CNBD1: variants seen among roughly 807,000 people sequenced by gnomAD.
CNBD1 encodes the protein cyclic nucleotide binding domain containing 1, also known as cyclic nucleotide-binding domain-containing protein 1.
A neutral mutation model predicts 54.4 loss-of-function variants in CNBD1; 71 were observed. The ratio of observed to expected loss-of-function variants is 1.30; its 90% CI spans 1.08 to 1.59. The LOEUF is 1.59. CNBD1 is among the 40% of genes most tolerant of loss of function. The probability of loss-of-function intolerance (pLI) is 0.00; values close to 1 mark genes in which losing one functional copy is unlikely to be tolerated. For synonymous variants in CNBD1, 182 were observed against 170.7 expected (o/e 1.07, Z -0.51); for missense variants, 659 against 518.0 (o/e 1.27, Z -2.64).
chr8:87,101,517 C>A (rs796722546), intron 4 of CNBD1, among the ~76,000 whole-genome samples: 97 of 151,878 alleles, frequency 6.4e-4, no homozygotes, highest in African/African-American at 2.3e-3. Flanking sequence ...ACTGACAGAA[C>A]TAAAAGGGAG....
At chr8:87,075,234 A>C (rs557798085) in intron 4 of CNBD1, among the ~76,000 whole-genome samples, 2 of 152,314 alleles carry the variant, frequency 1.3e-5, no homozygotes, top group East Asian at 3.9e-4. Flanking sequence ...TAGGATGCCC[A>C]TATGTTTACT....
chr8:87,036,051 C>A (rs928141678), intron 4 of CNBD1, among the ~76,000 whole-genome samples: 1 of 152,172 alleles, frequency 6.6e-6, no homozygotes, highest in Non-Finnish European at 1.5e-5. Flanking sequence ...CGCAGCCTTG[C>A]ACCTCCATAG....
intron 2 of CNBD1, among the ~76,000 whole-genome samples, chr8:87,388,325 T>C (rs980589514): frequency 2.0e-5 from 3 of 151,924 alleles, no homozygotes; most frequent in Non-Finnish European, 4.4e-5. Context: ...GCTGGTTTTT[T>C]GAAAAGATCA....
chr8:87,415,487 A>G (rs1054441639), intron 2 of CNBD1, among the ~76,000 whole-genome samples: 8 of 152,064 alleles, frequency 5.3e-5, no homozygotes, highest in Non-Finnish European at 8.8e-5. Flanking sequence ...CACTCTCAGA[A>G]CATAGATATG....
Position 86,959,031 on chromosome 8 carries a change from T to C in CNBD1, c.431+19277T>C, listed in dbSNP as rs190196704. Among the ~76,000 whole-genome samples the C allele has an allele frequency of 3.7e-3, 566 of 152,326 alleles. 1 individual carries two copies. The highest frequency in any genetic ancestry group is 0.013 in the African/African-American group (531 of 41,576). ...TTAGTTCTTCCTCCAGGAGTTCTTG[T>C]AAAGCAGGCCTGGTGGTGACAGAAT... On this transcript the variant is annotated intron_variant, in intron 4 of 10. Coordinates refer to ENST00000518476, the MANE Select transcript of CNBD1 (RefSeq NM_173538.3).
At position 87,425,631 on chromosome 8, in the gene CNBD1, G is replaced by A. The variant is rs573647882; in HGVS notation, c.214-2915G>A. Among the ~76,000 whole-genome samples, 929 of 151,606 alleles carry A rather than the reference G, an allele frequency of 6.1e-3. 7 individuals carry two copies. The highest frequency in any genetic ancestry group is 0.021 in the African/African-American group (877 of 41,264). ...AGGGTGCCTCCCAGTTAGGCTGCTC[G>A]GGGGTCAGGGGTCAGGGACCCACTT... On this transcript the variant is annotated intron_variant, in intron 2 of 7. Coordinates refer to the CNBD1 transcript ENST00000521593.
chr8:87,371,532 C>T (rs1350562109), intron 10 of CNBD1, among the ~76,000 whole-genome samples: 1 of 151,566 alleles, frequency 6.6e-6, no homozygotes, highest in Non-Finnish European at 1.5e-5. Flanking sequence ...GAGACACAAC[C>T]AAAAAAGAGA....
chr8:86,868,553 T>C (rs1328748937), intron 1 of CNBD1, among the ~76,000 whole-genome samples: 1 of 134,604 alleles, frequency 7.4e-6, no homozygotes, highest in Non-Finnish European at 1.6e-5. Flanking sequence ...GGCTGGTCTC[T>C]ATCTCCTCAC....
intron 3 of CNBD1, among the ~76,000 whole-genome samples, chr8:86,930,082 G>A (rs112138349): frequency 2.2e-4 from 33 of 152,274 alleles, no homozygotes; most frequent in African/African-American, 6.0e-4. Flanking sequence ...TTTGCCCTCT[G>A]GGTCTCCTTG....
At chr8:87,341,403 A>C (rs1810060609) in intron 8 of CNBD1, among the ~76,000 whole-genome samples, 1 of 151,944 alleles carries the variant, frequency 6.6e-6, no homozygotes, top group Admixed American at 6.6e-5. Flanking sequence ...TTCCATCCCT[A>C]GGGGGAAACT....
At chr8:87,033,049 C>T (rs1213337922) in intron 4 of CNBD1, among the ~76,000 whole-genome samples, 5 of 151,646 alleles carry the variant, frequency 3.3e-5, no homozygotes, top group African/African-American at 1.2e-4. Context: ...AAGTCATACA[C>T]AACATCTGTA....
chr8:86,946,335 C>T (rs113500204), intron 4 of CNBD1, among the ~76,000 whole-genome samples: 5,978 of 152,152 alleles, frequency 0.039, 129 homozygotes, highest in Non-Finnish European at 0.046. Flanking sequence ...GGAAAATTTT[C>T]ATACAGCAGT....
intron 3 of CNBD1, among the ~76,000 whole-genome samples, chr8:86,922,208 T>C (rs1226310055): frequency 6.6e-6 from 1 of 152,128 alleles, no homozygotes; most frequent in African/African-American, 2.4e-5. Context: ...AAGTTGGTAG[T>C]TGTCACCAGA....
At chr8:87,104,956 G>C (rs1363470963) in intron 4 of CNBD1, among the ~76,000 whole-genome samples, 1 of 152,110 alleles carries the variant, frequency 6.6e-6, no homozygotes, top group African/African-American at 2.4e-5. Flanking sequence ...CCAATAAATG[G>C]AGTTTAATAA....
At chr8:87,092,167 T>A (rs897648021) in intron 4 of CNBD1, among the ~76,000 whole-genome samples, 2 of 152,166 alleles carry the variant, frequency 1.3e-5, no homozygotes, top group African/African-American at 4.8e-5. Context: ...CTAACTCTAG[T>A]CTGCCTTCTA....
intron 10 of CNBD1, among the ~76,000 whole-genome samples, chr8:87,367,384 A>G (rs1005452572): frequency 6.6e-6 from 1 of 152,062 alleles, no homozygotes; most frequent in Admixed American, 6.6e-5. Context: ...AGTTGAGGTG[A>G]TGAAGAGGTA....
intron 5 of CNBD1, among the ~76,000 whole-genome samples, chr8:87,225,034 GCTCT>G (rs887452486): frequency 2.6e-5 from 4 of 151,658 alleles, no homozygotes; most frequent in African/African-American, 9.7e-5. Flanking sequence ...TCGTGATTTG[GCTCT>G]CTGTTTGTCT....
At chr8:87,371,997 G>A (rs1222104203) in intron 10 of CNBD1, among the ~76,000 whole-genome samples, 1 of 151,360 alleles carries the variant, frequency 6.6e-6, no homozygotes, top group Non-Finnish European at 1.5e-5. Context: ...GGGCAATTAG[G>A]CAGGAGAAGG....
rs377580499 is a variant in CNBD1 at position 86,948,673 on chromosome 8, G to A, written c.431+8919G>A. On this transcript the variant is annotated intron_variant, in intron 4 of 10. Transcript: ENST00000518476. The stretch of plus-strand genomic sequence containing the variant: ...TTCTGGTTATTAATCCCTTGTCAGA[G>A]GGGTAGTTTGCAAATATTTTCCCCC... Among the ~76,000 whole-genome samples the A allele has an allele frequency of 2.6e-5, 4 of 152,044 alleles. No individual in the cohort carries two copies. The East Asian group carries it at 7.7e-4, about 29-fold the overall frequency.
Sources: gnomAD v4.1 joint callset for allele counts (sites outside exome capture counted in the v4.1 genomes callset) on GRCh38, gnomAD v4.1.1 for gene constraint, MANE v1.5 for transcripts, NCBI Gene and HGNC (gene_info 2026-07-23, HGNC 2026-07-21) for gene names.